Variants in CACNA1A observed in about 807,000 individuals in gnomAD.
The protein encoded by CACNA1A is calcium voltage-gated channel subunit alpha1 A.
CACNA1A carries 57 observed loss-of-function variants against 262.4 expected under a neutral mutation model. The ratio of observed to expected loss-of-function variants is 0.22; its 90% CI spans 0.18 to 0.27. The LOEUF (loss-of-function observed/expected upper bound fraction) is 0.27. CACNA1A is among the 10% of genes least tolerant of loss of function. CACNA1A has a pLI of 1.00. For missense variants in CACNA1A, 2,526 were observed against 3,562.8 expected (o/e 0.71, Z 7.41); for synonymous variants, 1,431 against 1,419.3 (o/e 1.01, Z -0.18).
chr19:13,275,245 G>A (rs951592270), intron 24 of CACNA1A: 2 of 153,096 alleles, frequency 1.3e-5, no homozygotes, highest in African/African-American at 4.8e-5. Flanking sequence ...CCCAGAACTT[G>A]GATGCCATCT....
intron 30 of CACNA1A, among the ~76,000 whole-genome samples, chr19:13,246,954 C>T (rs1286673661): frequency 1.3e-5 from 2 of 152,172 alleles, no homozygotes; most frequent in Admixed American, 6.5e-5. Context: ...GGAAATACTC[C>T]ACATTGTTTG....
intron 1 of CACNA1A, among the ~76,000 whole-genome samples, chr19:13,475,466 C>T (rs10415333): frequency 0.77 from 117,024 of 152,130 alleles, 46,114 homozygotes; most frequent in Non-Finnish European, 0.88. Flanking sequence ...GAAGGACTCA[C>T]GTCACTTCCC....
chr19:13,465,556 C>T (rs755067263), intron 1 of CACNA1A, among the ~76,000 whole-genome samples: 1 of 152,146 alleles, frequency 6.6e-6, no homozygotes, highest in Admixed American at 6.5e-5. Flanking sequence ...ATGATCATGG[C>T]TCACTGCAGC....
intron 2 of CACNA1A, 56 bp from the exon 3 acceptor site, chr19:13,453,071 T>C: frequency 1.3e-6 from 2 of 1,596,722 alleles, no homozygotes. Flanking sequence ...GTTGACAAGA[T>C]CAGGGAACCA....
chr19:13,325,754 A>C (rs1158735653), intron 10 of CACNA1A, among the ~76,000 whole-genome samples: 1 of 152,100 alleles, frequency 6.6e-6, no homozygotes, highest in African/African-American at 2.4e-5. Flanking sequence ...TTTTAAAGTT[A>C]TTATTCATTT....
intron 31 of CACNA1A, chr19:13,244,679 G>A: frequency 6.5e-6 from 1 of 154,218 alleles, no homozygotes; most frequent in Non-Finnish European, 1.4e-5. Flanking sequence ...CAGGCCCGGG[G>A]CTAGAGGAGG....
At chr19:13,293,048 C>T (rs1393995852) in intron 19 of CACNA1A, among the ~76,000 whole-genome samples, 2 of 152,118 alleles carry the variant, frequency 1.3e-5, no homozygotes, top group Non-Finnish European at 2.9e-5. Flanking sequence ...TAGTTTCTTC[C>T]TCTGAAGAAG....
chr19:13,423,057 C>G (rs1042595656), intron 3 of CACNA1A, among the ~76,000 whole-genome samples: 1 of 152,182 alleles, frequency 6.6e-6, no homozygotes, highest in Non-Finnish European at 1.5e-5. Flanking sequence ...CTTGGAGAAC[C>G]CTGACACATA....
At chr19:13,408,492 T>G (rs2060052324) in intron 3 of CACNA1A, among the ~76,000 whole-genome samples, 1 of 152,200 alleles carries the variant, frequency 6.6e-6, no homozygotes, top group Admixed American at 6.5e-5. Flanking sequence ...AAAGGTACCT[T>G]TCTAGGCACT....
chr19:13,215,934 T>G (rs2054993760), intron 38 of CACNA1A, among the ~76,000 whole-genome samples: 1 of 152,138 alleles, frequency 6.6e-6, no homozygotes, highest in Non-Finnish European at 1.5e-5. Flanking sequence ...TTTATTTTGA[T>G]TTTTGAGACA....
At chr19:13,470,853 G>C (rs2061335480) in intron 1 of CACNA1A, among the ~76,000 whole-genome samples, 1 of 152,192 alleles carries the variant, frequency 6.6e-6, no homozygotes, top group African/African-American at 2.4e-5. Context: ...ATACCACTCT[G>C]TGTCTTCTTA....
chr19:13,299,468 T>A, intron 18 of CACNA1A, 115 bp from the exon 19 acceptor site: 3 of 835,430 alleles, frequency 3.6e-6, no homozygotes, highest in Non-Finnish European at 5.9e-6. Flanking sequence ...CACCCTCTAC[T>A]CCCCACTGAA....
At chr19:13,331,871 G>A (rs1171387814) in intron 9 of CACNA1A, among the ~76,000 whole-genome samples, 1 of 151,932 alleles carries the variant, frequency 6.6e-6, no homozygotes, top group Admixed American at 6.6e-5. Context: ...TGTTGCCCAG[G>A]CTGGTCTTGA....
intron 4 of CACNA1A, chr19:13,366,448 C>T (rs2059213827): frequency 1.3e-5 from 2 of 152,180 alleles, no homozygotes; most frequent in South Asian, 4.1e-4. Flanking sequence ...GAGCAAGACG[C>T]TGTCTCAAAT....
At chr19:13,382,349 C>T (rs1440060476) in intron 3 of CACNA1A, among the ~76,000 whole-genome samples, 1 of 152,128 alleles carries the variant, frequency 6.6e-6, no homozygotes, top group African/African-American at 2.4e-5. Flanking sequence ...TTGTTCAAGC[C>T]TCGGAAATGC....
intron 3 of CACNA1A, among the ~76,000 whole-genome samples, chr19:13,427,188 A>G (rs1334083466): frequency 6.6e-6 from 1 of 152,134 alleles, no homozygotes; most frequent in Non-Finnish European, 1.5e-5. Flanking sequence ...GTGGTGGCTC[A>G]GGCCTGTATT....
chr19:13,280,548 G>A (rs1396367306), intron 22 of CACNA1A, among the ~76,000 whole-genome samples: 1 of 151,960 alleles, frequency 6.6e-6, no homozygotes, highest in Non-Finnish European at 1.5e-5. Flanking sequence ...GGCGTGGCAT[G>A]GGGACAGTAT....
chr19:13,233,987 T>C (rs1222123627), intron 34 of CACNA1A, among the ~76,000 whole-genome samples: 1 of 150,830 alleles, frequency 6.6e-6, no homozygotes, highest in Admixed American at 6.6e-5. Flanking sequence ...CAAGAGGAGC[T>C]TGCAGTGAGC....
chr19:13,490,052 C>G (rs1980567543), intron 1 of CACNA1A, among the ~76,000 whole-genome samples: 1 of 152,124 alleles, frequency 6.6e-6, no homozygotes, highest in Non-Finnish European at 1.5e-5. Flanking sequence ...GTTTATTTCT[C>G]TCTGTGTTTT....
Sources: allele counts gnomAD v4.1 joint callset (sites outside exome capture counted in the v4.1 genomes callset), GRCh38; gene constraint gnomAD v4.1.1; transcripts MANE v1.5; gene names NCBI Gene and HGNC (gene_info 2026-07-23, HGNC 2026-07-21).